THSD7A: variants seen among roughly 807,000 people sequenced by gnomAD.
The protein encoded by THSD7A is thrombospondin type-1 domain-containing protein 7A.
A neutral mutation model predicts 231.3 loss-of-function variants in THSD7A; 96 were observed. The ratio of observed to expected loss-of-function variants is 0.41; its 90% confidence interval spans 0.35 to 0.49. The LOEUF is 0.49. Among genes scored for constraint, THSD7A ranks in the 20% least tolerant of loss-of-function variants. The pLI, the probability that THSD7A is intolerant of heterozygous loss-of-function variation, is 0.05. For missense variants in THSD7A, 2,290 were observed against 2,070.2 expected (o/e 1.11, Z -2.06); for synonymous variants, 940 against 743.3 (o/e 1.26, Z -4.30).
At chr7:11,508,761 T>TA (rs1475202643) in intron 6 of THSD7A, among the ~76,000 whole-genome samples, 2 of 152,230 alleles carry the variant, frequency 1.3e-5, no homozygotes, top group Non-Finnish European at 2.9e-5. Context: ...CATTCAGCCT[T>TA]AAAAAAGCAG....
At chr7:11,693,381 C>T (rs547652372) in intron 1 of THSD7A, among the ~76,000 whole-genome samples, 1 of 151,448 alleles carries the variant, frequency 6.6e-6, no homozygotes, top group South Asian at 2.1e-4. Context: ...TAGATTAATT[C>T]TTATAATGTA....
chr7:11,527,050 T>C (rs1384487345), intron 6 of THSD7A, among the ~76,000 whole-genome samples: 1 of 152,160 alleles, frequency 6.6e-6, no homozygotes, highest in African/African-American at 2.4e-5. Context: ...AATGTTTAAA[T>C]GTTGTTTCTA....
rs1782078047 is a variant in THSD7A, at chr7:11,372,137, T to A, written c.*3657A>T. The A allele has an allele frequency of 6.6e-6, 1 of 151,614 alleles. No homozygotes were observed. The allele number at this position is 151,614 out of a possible 1,614,324, so 9.4% of individuals were successfully genotyped here. A position where few individuals can be genotyped will look rare whatever the true frequency, so the allele number is the denominator to read the frequency against. On this transcript the variant is annotated 3_prime_UTR_variant, in exon 28 of 28. Transcript: ENST00000423059. The stretch of plus-strand genomic sequence containing the variant: ...GCTACAATGACCACTGCCACCTACC[T>A]GAGGGTGGGGCAGGGAAAAATCAAA...
At chr7:11,572,867 T>C (rs531406600) in intron 4 of THSD7A, among the ~76,000 whole-genome samples, 1 of 152,270 alleles carries the variant, frequency 6.6e-6, no homozygotes, top group East Asian at 1.9e-4. Flanking sequence ...ATAATGGGTC[T>C]TTTTCTTCTC....
chr7:11,822,132 G>A (rs1281544253), intron 1 of THSD7A, among the ~76,000 whole-genome samples: 2 of 151,990 alleles, frequency 1.3e-5, no homozygotes, highest in Admixed American at 6.6e-5. Flanking sequence ...AGGACTTCTA[G>A]GATATCCAAA....
Position 11,446,193 on chromosome 7 carries a change from T to C in THSD7A, c.2932A>G (p.Lys978Glu). ...TTCATTCCCAGCAACACTTCCACTTTTCCCTCTGGTAAAATACAGTCTGAC... is the reference window on the plus strand; with the variant it reads ...TTCATTCCCAGCAACACTTCCACTTCTCCCTCTGGTAAAATACAGTCTGAC... ...NWSDCILPEG[K>E]VEVLLGMKVQ... is the part of the protein sequence containing the mutation. The change falls in exon 13 of 28, where the codon AAA becomes GAA. Residue 978 changes from lysine (K) to glutamate (E), a missense_variant. Transcript: ENST00000423059. This position sits in a 1 kb window ranked among gnomAD's most constrained non-coding sequence, Gnocchi z 4.0. 3 of 1,613,568 alleles carry C rather than the reference T, an allele frequency of 1.9e-6. No individual in the cohort carries two copies. The highest frequency in any genetic ancestry group is 2.2e-5 in the South Asian group (2 of 91,080).
At chr7:11,819,816 T>A (rs938556838) in intron 1 of THSD7A, among the ~76,000 whole-genome samples, 1 of 152,126 alleles carries the variant, frequency 6.6e-6, no homozygotes, top group Non-Finnish European at 1.5e-5. Context: ...ACCATGGACG[T>A]TGGTTAATAA....
At chr7:11,769,145 A>T (rs1466178237) in intron 1 of THSD7A, among the ~76,000 whole-genome samples, 1,479 of 35,834 alleles carry the variant, frequency 0.041, 112 homozygotes, top group Non-Finnish European at 0.054. Context: ...ATATATATAT[A>T]TATATATATT....
chr7:11,424,970 T>G, intron 15 of THSD7A, 141 bp from the exon 16 acceptor site: 30 of 1,004,644 alleles, frequency 3.0e-5, no homozygotes, highest in Non-Finnish European at 3.8e-5. Flanking sequence ...AACATTGCAA[T>G]AGAGAGAACT....
intron 1 of THSD7A, among the ~76,000 whole-genome samples, chr7:11,759,876 T>C (rs1782799629): frequency 6.6e-6 from 1 of 152,064 alleles, no homozygotes; most frequent in Non-Finnish European, 1.5e-5. Flanking sequence ...TCCTAAAGAC[T>C]ATGTTGCATA....
chr7:11,571,605 A>C (rs1241428974), intron 4 of THSD7A, among the ~76,000 whole-genome samples: 1 of 152,192 alleles, frequency 6.6e-6, no homozygotes, highest in Non-Finnish European at 1.5e-5. Context: ...GTCTATGTTC[A>C]CAACTGCTCA....
intron 1 of THSD7A, among the ~76,000 whole-genome samples, chr7:11,683,714 A>C (rs1390755086): frequency 2.0e-5 from 3 of 152,004 alleles, no homozygotes; most frequent in Non-Finnish European, 4.4e-5. Flanking sequence ...TGAGTTACGA[A>C]ATTGAATGAG....
At position 11,377,515 on chromosome 7, in the gene THSD7A, T is replaced by C. The variant is rs1232977367; in HGVS notation, c.4802-858A>G. ...TTGACCTCACACAGACTCTGGTTTA[T>C]TCAATATTTGAAAGGCATCAAATGG... On this transcript the variant is annotated intron_variant, in intron 26 of 27. Coordinates refer to ENST00000423059, the MANE Select transcript of THSD7A (RefSeq NM_015204.3). The surrounding 1 kb of genome is among the most constrained non-coding windows in gnomAD (Gnocchi z 4.5). Among the ~76,000 whole-genome samples, 1 of 152,158 alleles carries C rather than the reference T, an allele frequency of 6.6e-6. No homozygotes were observed. The highest frequency in any genetic ancestry group is 1.5e-5 in the Non-Finnish European group (1 of 68,008).
Position 11,474,527 on chromosome 7 carries a change from G to A in THSD7A, c.2059C>T (p.Arg687Ter), listed in dbSNP as rs1562638911. 5.0e-6 allele frequency: 8 copies of A among 1,609,036 alleles called. No homozygotes were observed. The highest frequency in any genetic ancestry group is 1.1e-5 in the South Asian group (1 of 90,520). ...GTGCAAGGATGCTCATTACAGCTTC[G>A]TACTTCTTGCAAAGCACTGCTATTT... The part of the protein sequence containing the change: ...CPNSSALQEV[R>*]SCNEHPCTVY... The change falls in exon 8 of 28, where the codon CGA becomes TGA. Residue 687 changes from arginine to a stop codon, truncating the protein, a stop_gained. Coordinates refer to ENST00000423059, the MANE Select transcript of THSD7A (RefSeq NM_015204.3). LOFTEE classifies it high-confidence loss of function. This position sits in a 1 kb window ranked among gnomAD's most constrained non-coding sequence, Gnocchi z 4.1.
rs373782622 is a variant in THSD7A, at chr7:11,636,621, A to G, written c.531T>C (p.Phe177=). ...IPAEDIICEY[F]EPKPLLEQAC... is the part of the protein sequence containing the mutation. ...CCTGCTCCAGGAGAGGCTTGGGCTCAAAGTACTCACAGATGATATCCTCCG... is the reference window on the plus strand; with the variant it reads ...CCTGCTCCAGGAGAGGCTTGGGCTCGAAGTACTCACAGATGATATCCTCCG... The change falls in exon 2 of 28, where the codon TTT becomes TTC. Residue 177 remains phenylalanine (F), a synonymous_variant. Transcript: ENST00000423059. This position sits in a 1 kb window ranked among gnomAD's most constrained non-coding sequence, Gnocchi z 10.0. 1 of 1,614,008 alleles carries G rather than the reference A, an allele frequency of 6.2e-7. No individual in the cohort carries two copies. The highest frequency in any genetic ancestry group is 8.5e-7 in the Non-Finnish European group (1 of 1,179,898).
rs562314741 is a variant in THSD7A at position 11,652,082 on chromosome 7, A to G, written c.191-15121T>C. Among the ~76,000 whole-genome samples, 8 of 152,092 alleles carry G rather than the reference A, an allele frequency of 5.3e-5. No individual in the cohort carries two copies. In the East Asian group the frequency reaches 1.6e-3, roughly 30 times the overall value. ...CATTTTTGCCCATACTCTGGTTAAC[A>G]AATGTGTCCATGGCTGTTACGTTTC... On this transcript the variant is annotated intron_variant, in intron 1 of 27. Coordinates refer to ENST00000423059, the MANE Select transcript of THSD7A (RefSeq NM_015204.3).
intron 1 of THSD7A, among the ~76,000 whole-genome samples, chr7:11,777,199 CCACCGG>C (rs1197102624): frequency 6.6e-6 from 1 of 152,108 alleles, no homozygotes; most frequent in African/African-American, 2.4e-5. Context: ...ATATTTGTCT[CCACCGG>C]CATAAGGGGA....
intron 4 of THSD7A, among the ~76,000 whole-genome samples, chr7:11,589,093 CT>C: frequency 6.6e-6 from 1 of 152,258 alleles, no homozygotes; most frequent in East Asian, 1.9e-4. Flanking sequence ...ACATTCATTT[CT>C]CTTGGTTCTT....
intron 1 of THSD7A, among the ~76,000 whole-genome samples, chr7:11,705,866 T>C (rs915308729): frequency 1.3e-5 from 2 of 151,014 alleles, no homozygotes; most frequent in Non-Finnish European, 3.0e-5. Flanking sequence ...TCTCAACACC[T>C]ATCACAAAGA....
Sources: gnomAD v4.1 joint callset for allele counts (sites outside exome capture counted in the v4.1 genomes callset) on GRCh38, gnomAD v4.1.1 for gene constraint, Gnocchi (gnomAD v3.1) non-coding constraint, MANE v1.5 for transcripts, NCBI Gene and HGNC (gene_info 2026-07-23, HGNC 2026-07-21) for gene names.